The following FAM227B variants were observed in gnomAD, a reference collection of about 807,000 sequenced individuals.
FAM227B encodes protein FAM227B.
FAM227B carries 88 observed loss-of-function variants against 73.8 expected under a neutral mutation model. The observed-to-expected ratio is 1.19, with a 90% CI of 1.00 to 1.42. The LOEUF (loss-of-function observed/expected upper bound fraction) is 1.42. Among genes scored for constraint, FAM227B ranks in the 40% most tolerant of loss-of-function variants. FAM227B has a pLI of 0.00. For synonymous variants in FAM227B, 210 were observed against 190.5 expected (o/e 1.10, Z -0.84); for missense variants, 632 against 590.9 (o/e 1.07, Z -0.72).
At position 49,536,090 on chromosome 15, in the gene FAM227B, AG is replaced by A. The variant is rs1241536542; in HGVS notation, c.874+5589del. Among the ~76,000 whole-genome samples the A allele has an allele frequency of 5.6e-5, 8 of 142,834 alleles. No individual in the cohort carries two copies. The South Asian group carries it at 1.3e-3, about 24-fold the overall frequency. The allele number at this position is 142,834 out of a possible 152,430, so 93.7% of individuals were successfully genotyped here. A position where few individuals can be genotyped will look rare whatever the true frequency, so the allele number is the denominator to read the frequency against. ...AATCAGACAAAAAAAAAAAAAAAAA[AG>A]AAAAAAGAAAGAAAAAACTTGAAAA... On this transcript the variant is annotated intron_variant, in intron 10 of 15. Transcript: ENST00000299338.
chr15:49,333,100 C>G (rs2039085379), intron 14 of FAM227B, among the ~76,000 whole-genome samples: 2 of 152,140 alleles, frequency 1.3e-5, no homozygotes, highest in African/African-American at 4.8e-5. Context: ...GTTAAAATCA[C>G]TCCCTCTTCC....
intron 11 of FAM227B, among the ~76,000 whole-genome samples, chr15:49,475,028 G>T (rs2151980693): frequency 6.6e-6 from 1 of 152,066 alleles, no homozygotes; most frequent in East Asian, 1.9e-4. Flanking sequence ...TCAGACAATG[G>T]TATGGAAAAC....
At chr15:49,425,734 A>T (rs968010853) in intron 11 of FAM227B, among the ~76,000 whole-genome samples, 1 of 151,892 alleles carries the variant, frequency 6.6e-6, no homozygotes, top group Non-Finnish European at 1.5e-5. Context: ...GAAAATGAGA[A>T]GACCTTCTTT....
At chr15:49,468,167 C>A (rs1184373336) in intron 11 of FAM227B, among the ~76,000 whole-genome samples, 1 of 152,044 alleles carries the variant, frequency 6.6e-6, no homozygotes, top group Non-Finnish European at 1.5e-5. Flanking sequence ...GTTAACCAGA[C>A]ATGTCATTTA....
At chr15:49,598,131 G>C (rs1195096646) in intron 3 of FAM227B, among the ~76,000 whole-genome samples, 1 of 151,938 alleles carries the variant, frequency 6.6e-6, no homozygotes, top group African/African-American at 2.4e-5. Flanking sequence ...TATGAAGCCA[G>C]TATTACCTTA....
intron 11 of FAM227B, among the ~76,000 whole-genome samples, chr15:49,496,923 A>G (rs1166844991): frequency 2.7e-5 from 4 of 150,042 alleles, no homozygotes; most frequent in South Asian, 4.2e-4. Context: ...GTTTTAGTAT[A>G]CACAAAGTCA....
chr15:49,351,109 G>T (rs2042180580), intron 13 of FAM227B, among the ~76,000 whole-genome samples: 1 of 152,088 alleles, frequency 6.6e-6, no homozygotes, highest in African/African-American at 2.4e-5. Context: ...ACTATCCATT[G>T]TGTAGATCAT....
At chr15:49,410,914 G>A (rs758123384) in intron 11 of FAM227B, among the ~76,000 whole-genome samples, 14 of 139,746 alleles carry the variant, frequency 1.0e-4, no homozygotes, top group Non-Finnish European at 1.8e-4. Flanking sequence ...GACCTAATGA[G>A]TTTTCTAGAA....
chr15:49,422,626 G>T, intron 11 of FAM227B: 1 of 1,114,792 alleles, frequency 9.0e-7, no homozygotes, highest in Non-Finnish European at 1.3e-6. Context: ...TAGCAGCTGA[G>T]ACTCTGGAAC....
intron 1 of FAM227B, 78 bp downstream of exon 1, chr15:49,620,622 A>C (rs1028681704): frequency 2.0e-5 from 3 of 152,268 alleles, no homozygotes; most frequent in Non-Finnish European, 4.4e-5. Context: ...AATGTAACCA[A>C]GTTCTCACAA....
chr15:49,546,262 T>C (rs568679553), intron 9 of FAM227B, among the ~76,000 whole-genome samples: 1 of 152,190 alleles, frequency 6.6e-6, no homozygotes, highest in Non-Finnish European at 1.5e-5. Flanking sequence ...TCCATTTTCA[T>C]CCATGTCCCT....
At position 49,335,424 on chromosome 15, in the gene FAM227B, A is replaced by C; in HGVS notation, c.1344T>G (p.Phe448Leu). 1 of 1,604,382 alleles carries C rather than the reference A, an allele frequency of 6.2e-7. No individual in the cohort carries two copies. The highest frequency in any genetic ancestry group is 8.5e-7 in the Non-Finnish European group (1 of 1,171,186). ...ATAGTATAGCATCAACTTACATCCT[A>C]AAATCCTTTTGGTTCCTTGCAAATT... ...KRQFARNQKD[F>L]RILQAKATKK... Residue 448 changes from phenylalanine (F) to leucine (L), a missense_variant, in exon 14 of 16, where the codon TTT becomes TTG. Transcript: ENST00000299338.
chr15:49,386,429 G>C (rs1477260468), intron 11 of FAM227B, among the ~76,000 whole-genome samples: 1 of 151,800 alleles, frequency 6.6e-6, no homozygotes, highest in African/African-American at 2.4e-5. Context: ...AATCAAGATG[G>C]AAATTTAAAA....
At position 49,328,257 on chromosome 15, in the gene FAM227B, A is replaced by G. The variant is rs2037875496; in HGVS notation, c.*311T>C. 6.8e-7 allele frequency: 1 copy of G among 1,472,046 alleles called. No individual in the cohort carries two copies. Among genetic ancestry groups the G allele is most frequent in the African/African-American group, 1.4e-5 (1 of 70,366 alleles). The allele number at this position is 1,472,046 out of a possible 1,614,324, so 91.2% of individuals were successfully genotyped here. ...ATTAATCTTCCTTCTGTTTTGTATT[A>G]TGATGAACGGTTGCTATTATATCAA... is the stretch of plus-strand genomic sequence containing the variant. On this transcript the variant is annotated 3_prime_UTR_variant, in exon 16 of 16. Coordinates refer to ENST00000299338, the MANE Select transcript of FAM227B (RefSeq NM_152647.3).
intron 11 of FAM227B, among the ~76,000 whole-genome samples, chr15:49,481,058 T>A (rs1449144973): frequency 1.3e-5 from 2 of 152,176 alleles, no homozygotes; most frequent in Non-Finnish European, 2.9e-5. Flanking sequence ...TCTCTTTTTA[T>A]CTAAAAGAAA....
At chr15:49,387,192 A>C (rs1450795162) in intron 11 of FAM227B, among the ~76,000 whole-genome samples, 1 of 151,804 alleles carries the variant, frequency 6.6e-6, no homozygotes, top group African/African-American at 2.4e-5. Context: ...CACAACAAAA[A>C]AAGAAAACTA....
At chr15:49,402,040 C>T (rs1472116361) in intron 11 of FAM227B, among the ~76,000 whole-genome samples, 4 of 151,990 alleles carry the variant, frequency 2.6e-5, no homozygotes, top group African/African-American at 9.7e-5. Flanking sequence ...AACTGCATTC[C>T]AGCTCTGATC....
At chr15:49,466,471 T>C (rs768923541) in intron 11 of FAM227B, among the ~76,000 whole-genome samples, 1 of 152,032 alleles carries the variant, frequency 6.6e-6, no homozygotes, top group Non-Finnish European at 1.5e-5. Context: ...TAGGCTGGAG[T>C]CAGATTTTGG....
intron 10 of FAM227B, among the ~76,000 whole-genome samples, chr15:49,539,618 T>C (rs1343305744): frequency 6.6e-6 from 1 of 152,146 alleles, no homozygotes; most frequent in African/African-American, 2.4e-5. Flanking sequence ...GAGAGTAAAT[T>C]CAGGCAGAGC....
Sources: gnomAD v4.1 joint callset for allele counts (sites outside exome capture counted in the v4.1 genomes callset) on GRCh38, gnomAD v4.1.1 for gene constraint, MANE v1.5 for transcripts, NCBI Gene and HGNC (gene_info 2026-07-23, HGNC 2026-07-21) for gene names.